The following NOS1AP variants were observed in gnomAD, a reference collection of about 807,000 sequenced individuals.
The protein encoded by NOS1AP is nitric oxide synthase 1 adaptor protein.
A neutral mutation model predicts 56.2 loss-of-function variants in NOS1AP; 21 were observed. The ratio of observed to expected loss-of-function variants is 0.37; its 90% CI spans 0.26 to 0.54. The LOEUF (loss-of-function observed/expected upper bound fraction) is 0.54, where lower values mean the gene tolerates loss of function less well. Among genes scored for constraint, NOS1AP ranks in the 20% least tolerant of loss-of-function variants. The pLI is 0.84. For missense variants in NOS1AP, 522 were observed against 657.8 expected (o/e 0.79, Z 2.26); for synonymous variants, 270 against 274.6 (o/e 0.98, Z 0.17).
chr1:162,143,662 A>G (rs1006144566), intron 1 of NOS1AP, among the ~76,000 whole-genome samples: 3 of 151,984 alleles, frequency 2.0e-5, no homozygotes, highest in African/African-American at 7.3e-5. Context: ...GGATCTTCCT[A>G]TGTTGCCTAG....
At chr1:162,208,993 G>C (rs1652255492) in intron 2 of NOS1AP, among the ~76,000 whole-genome samples, 1 of 152,196 alleles carries the variant, frequency 6.6e-6, no homozygotes, top group African/African-American at 2.4e-5. Context: ...TGACTCACAG[G>C]CCTGCAGTCC....
In NOS1AP at chr1:162,147,989, C is replaced by T. The variant is rs181654069; in HGVS notation, c.106-6416C>T. Among the ~76,000 whole-genome samples the T allele has an allele frequency of 2.6e-4, 39 of 152,138 alleles. No individual in the cohort carries two copies. The East Asian group carries it at 7.0e-3, about 27-fold the overall frequency. ...ACAGAAGGCTAGGTGATTAAAAATCCACCAGCAGGAAGGTTTAACATACCA... is the reference window on the plus strand; with the variant it reads ...ACAGAAGGCTAGGTGATTAAAAATCTACCAGCAGGAAGGTTTAACATACCA... On this transcript the variant is annotated intron_variant, in intron 1 of 9. Coordinates refer to ENST00000361897, the MANE Select transcript of NOS1AP (RefSeq NM_014697.3).
intron 3 of NOS1AP, among the ~76,000 whole-genome samples, chr1:162,292,057 G>T (rs986859211): frequency 7.2e-5 from 11 of 152,076 alleles, no homozygotes; most frequent in Non-Finnish European, 1.6e-4. Flanking sequence ...ATCCCCTAAG[G>T]CAGCATTCTA....
At chr1:162,154,539 T>A in intron 2 of NOS1AP, 63 bp downstream of exon 2, 1 of 1,539,060 alleles carries the variant, frequency 6.5e-7, no homozygotes, top group East Asian at 2.3e-5. Flanking sequence ...CTGGCCCTTC[T>A]AGGTAGGGCT....
At chr1:162,215,216 G>T (rs1055699451) in intron 2 of NOS1AP, among the ~76,000 whole-genome samples, 1 of 152,128 alleles carries the variant, frequency 6.6e-6, no homozygotes, top group African/African-American at 2.4e-5. Flanking sequence ...CCCTAGCCTC[G>T]GGGCCCGTAA....
chr1:162,158,518 A>G (rs918656096), intron 2 of NOS1AP, among the ~76,000 whole-genome samples: 1 of 152,178 alleles, frequency 6.6e-6, no homozygotes, highest in African/African-American at 2.4e-5. Flanking sequence ...CAGAAATGTG[A>G]TCGCTGGGTA....
chr1:162,367,432 C>G lies in NOS1AP; in HGVS notation c.1486C>G (p.Leu496Val). Residue 496 changes from leucine to valine, a missense_variant, in exon 10 of 10, where the codon CTG becomes GTG. Leu to Val is a conservative substitution (Grantham distance 32). Around this residue, in one of 4 missense-constraint regions of NOS1AP, gnomAD observed 160 missense variants for 180.3 expected, o/e 0.89. Coordinates refer to ENST00000361897, the MANE Select transcript of NOS1AP (RefSeq NM_014697.3). This position sits in a 1 kb window ranked among gnomAD's most constrained non-coding sequence, Gnocchi z 6.5. ...GCTGAATGTCCTGCAGAGGCAGGAA[C>G]TGGGCGACGGCCTGGATGATGAGAT... is the stretch of plus-strand genomic sequence containing the variant. ...RLLNVLQRQELGDGLDDEIAV is the reference protein window; with the variant it reads ...RLLNVLQRQEVGDGLDDEIAV 2 of 1,580,862 alleles carry G rather than the reference C, an allele frequency of 1.3e-6. No homozygotes were observed. Among genetic ancestry groups the G allele is most frequent in the Non-Finnish European group, 1.7e-6 (2 of 1,160,302 alleles).
At chr1:162,113,288 C>T (rs1184197036) in intron 1 of NOS1AP, among the ~76,000 whole-genome samples, 1 of 152,060 alleles carries the variant, frequency 6.6e-6, no homozygotes, top group Admixed American at 6.6e-5. Flanking sequence ...GGAGGCAGTC[C>T]AGGCATGACT....
At chr1:162,075,906 A>G (rs1021815916) in intron 1 of NOS1AP, among the ~76,000 whole-genome samples, 1 of 152,060 alleles carries the variant, frequency 6.6e-6, no homozygotes, top group African/African-American at 2.4e-5. Flanking sequence ...TTGGGATTTG[A>G]TGGACAAATC....
At chr1:162,098,494 CG>C (rs1355860035) in intron 1 of NOS1AP, among the ~76,000 whole-genome samples, 3 of 90,328 alleles carry the variant, frequency 3.3e-5, no homozygotes, top group Non-Finnish European at 8.0e-5. Context: ...TTAACGGTGT[CG>C]TTTTTTTTTT....
intron 4 of NOS1AP, among the ~76,000 whole-genome samples, chr1:162,304,849 A>T (rs1350225986): frequency 6.8e-6 from 1 of 147,542 alleles, no homozygotes. Context: ...GGTCCATTTT[A>T]TCATGAACAA....
intron 5 of NOS1AP, among the ~76,000 whole-genome samples, chr1:162,339,206 C>G (rs1428210477): frequency 1.3e-5 from 2 of 152,200 alleles, no homozygotes; most frequent in Non-Finnish European, 2.9e-5. Context: ...AGATCCCTTT[C>G]CAGCTTTGAA....
intron 1 of NOS1AP, among the ~76,000 whole-genome samples, chr1:162,131,615 C>A (rs952457493): frequency 1.3e-5 from 2 of 151,930 alleles, no homozygotes; most frequent in African/African-American, 4.8e-5. Flanking sequence ...GGACATTTCC[C>A]TGGGAGGTTG....
chr1:162,239,143 A>G (rs1039847267), intron 2 of NOS1AP, among the ~76,000 whole-genome samples: 2 of 152,186 alleles, frequency 1.3e-5, no homozygotes, highest in African/African-American at 2.4e-5. Flanking sequence ...ACCAACTTTT[A>G]CTGGTTATGA....
intron 2 of NOS1AP, among the ~76,000 whole-genome samples, chr1:162,231,868 G>A (rs1010059801): frequency 1.3e-5 from 2 of 152,198 alleles, no homozygotes; most frequent in Non-Finnish European, 2.9e-5. Flanking sequence ...CTTATGTGAA[G>A]TTCAAACAGA....
chr1:162,147,673 T>A (rs572188766), intron 1 of NOS1AP, among the ~76,000 whole-genome samples: 4 of 152,280 alleles, frequency 2.6e-5, no homozygotes, highest in African/African-American at 7.2e-5. Flanking sequence ...TATAAAAAAA[T>A]TTGAAGTCTT....
rs72713870 is a variant in NOS1AP, at chr1:162,111,479, A to T, written c.105+41197A>T. Among the ~76,000 whole-genome samples the T allele has an allele frequency of 8.6e-3, 1,303 of 152,318 alleles. 12 individuals are homozygous for T. Among genetic ancestry groups the T allele is most frequent in the South Asian group, 0.022 (108 of 4,822 alleles). Reference sequence around the variant, plus strand: ...GTGATGGGACTCATTTCTGAGAAACAAGCTCTGTCCCAGAGGAATGACATA... The same window carrying T: ...GTGATGGGACTCATTTCTGAGAAACTAGCTCTGTCCCAGAGGAATGACATA... On this transcript the variant is annotated intron_variant, in intron 1 of 9. Transcript: ENST00000361897.
At chr1:162,277,327 A>T (rs1290968575) in intron 2 of NOS1AP, among the ~76,000 whole-genome samples, 1 of 152,204 alleles carries the variant, frequency 6.6e-6, no homozygotes, top group Non-Finnish European at 1.5e-5. Flanking sequence ...TGACTTCGAG[A>T]GCCCTCCAAA....
intron 1 of NOS1AP, among the ~76,000 whole-genome samples, chr1:162,115,927 A>G (rs1271655724): frequency 6.6e-6 from 1 of 152,198 alleles, no homozygotes; most frequent in Non-Finnish European, 1.5e-5. Flanking sequence ...ACTGGTCTCT[A>G]TCTAGGACAC....
Sources: gnomAD v4.1 joint callset for allele counts (sites outside exome capture counted in the v4.1 genomes callset) on GRCh38, gnomAD v4.1.1 for gene constraint, gnomAD v4.1.1 regional missense constraint, Gnocchi (gnomAD v3.1) non-coding constraint, MANE v1.5 for transcripts, NCBI Gene and HGNC (gene_info 2026-07-23, HGNC 2026-07-21) for gene names.